ANKRD53: variants seen among roughly 807,000 people sequenced by gnomAD.
ANKRD53 encodes the protein ankyrin repeat domain-containing protein 53.
Under a neutral mutation model 30.1 loss-of-function variants are expected in ANKRD53, and 27 were observed. The observed-to-expected ratio is 0.90, with a 90% CI of 0.66 to 1.24. The LOEUF (loss-of-function observed/expected upper bound fraction) is 1.24. Among genes scored for constraint, ANKRD53 ranks in the 50% most tolerant of loss-of-function variants. ANKRD53 has a pLI of 0.00. For synonymous variants in ANKRD53, 286 were observed against 295.4 expected, an observed-to-expected ratio of 0.97 and a Z score of 0.33; for missense variants, 682 against 721.0, an observed-to-expected ratio of 0.95 and a Z score of 0.62.
chr2:70,984,226 G>A, intron 5 of ANKRD53: 1 of 1,614,144 alleles, frequency 6.2e-7, no homozygotes, highest in Non-Finnish European at 8.5e-7. Flanking sequence ...GGATTCCTTT[G>A]GAGAAGAAGG....
chr2:70,984,519 T>C (rs1553424274), intron 5 of ANKRD53, 92 bp from the exon 6 acceptor site: 3 of 1,545,474 alleles, frequency 1.9e-6, no homozygotes, highest in Non-Finnish European at 2.6e-6. Context: ...CTTCAGACTG[T>C]GGTTTCCGAA....
rs1053858037 is a variant in ANKRD53 at position 70,982,716 on chromosome 2, G to A, written c.903+19G>A. ...GTATCAAGTAAGGGGGACAGCAGGG[G>A]GGCCAGGGGACAGCTGCTATCCAGG... On this transcript the variant is annotated intron_variant, in intron 5 of 5. Transcript: ENST00000360589. This position sits in a 1 kb window ranked among gnomAD's most constrained non-coding sequence, Gnocchi z 4.2. 1 of 1,612,336 alleles carries A rather than the reference G, an allele frequency of 6.2e-7. No homozygotes were observed. The highest frequency in any genetic ancestry group is 8.5e-7 in the Non-Finnish European group (1 of 1,179,076).
Position 70,978,665 on chromosome 2 carries a change from C to A in ANKRD53, c.20C>A (p.Thr7Asn). The A allele has an allele frequency of 6.5e-7, 1 of 1,542,520 alleles. No individual in the cohort carries two copies. The highest frequency in any genetic ancestry group is 8.7e-7 in the Non-Finnish European group (1 of 1,144,624). The change falls in exon 1 of 6, where the codon ACC (threonine) becomes AAC (asparagine). Residue 7 changes from threonine (T) to asparagine (N), a missense_variant. Thr to Asn is a moderately conservative substitution (Grantham distance 65). Transcript: ENST00000360589. The surrounding 1 kb of genome is among the most constrained non-coding windows in gnomAD (Gnocchi z 4.3). MASAGS[T>N]ARRAGSGSWH... The stretch of plus-strand genomic sequence containing the variant: ...CCCGCGATGGCCTCCGCGGGCAGCA[C>A]CGCTCGGCGGGCGGGCTCCGGAAGC...
At chr2:70,978,553 C>G (rs995512222), upstream of ANKRD53, 5 of 1,363,178 alleles carry the variant, frequency 3.7e-6, no homozygotes, top group Non-Finnish European at 4.7e-6. The surrounding 1 kb of genome is among the most constrained non-coding windows in gnomAD (Gnocchi z 4.3). Context: ...GCCGGGAAAC[C>G]GCGGCCAGCT....
chr2:70,984,212 CTG>C, intron 5 of ANKRD53: 1 of 1,614,204 alleles, frequency 6.2e-7, no homozygotes, highest in Non-Finnish European at 8.5e-7. Context: ...TACTATCAGA[CTG>C]TGGATTCCTT....
intron 3 of ANKRD53, among the ~76,000 whole-genome samples, chr2:70,980,503 C>A (rs542182120): frequency 6.8e-6 from 1 of 148,002 alleles, no homozygotes; most frequent in African/African-American, 2.5e-5. Flanking sequence ...AACACCTGGC[C>A]GGGTGGCATG....
At chr2:70,984,497 G>C (rs1427191000) in intron 5 of ANKRD53, 114 bp from the exon 6 acceptor site, 5 of 1,533,220 alleles carry the variant, frequency 3.3e-6, no homozygotes, top group Non-Finnish European at 4.4e-6. Context: ...CAGACTCAGA[G>C]TTTCCCTCAT....
In ANKRD53 at chr2:70,985,451, A is replaced by C; in HGVS notation, c.*151A>C. ...TCACCCTTCCCAATCAAAAGCCCAG[A>C]CCCCAGGCCTCCCTTTTCTCTGCAA... On this transcript the variant is annotated 3_prime_UTR_variant, in exon 6 of 6. Coordinates refer to ENST00000360589, the MANE Select transcript of ANKRD53 (RefSeq NM_001115116.2). 1 of 676,878 alleles carries C rather than the reference A, an allele frequency of 1.5e-6. No homozygotes were observed. 41.9% of individuals were successfully genotyped at this position (676,878 alleles called of 1,614,324 possible).
chr2:70,979,220 G>A lies in ANKRD53; in HGVS notation c.294G>A (p.Gln98=), dbSNP rs782533666. 21 of 1,613,298 alleles carry A rather than the reference G, an allele frequency of 1.3e-5. No individual in the cohort carries two copies. The highest frequency in any genetic ancestry group is 1.7e-5 in the Non-Finnish European group (20 of 1,180,020). ...ADPSPSKESD[Q]TAIDQTAIGS... is the part of the protein sequence containing the mutation. ...CCAGCCCCAGCAAGGAGTCCGACCA[G>A]ACGGCAATCGACCAGACGGCGATCG... The change falls in exon 2 of 6, where the codon CAG becomes CAA. Residue 98 remains glutamine, a synonymous_variant. Coordinates refer to ENST00000360589, the MANE Select transcript of ANKRD53 (RefSeq NM_001115116.2).
At chr2:70,979,632 C>G in intron 2 of ANKRD53, 29 bp from the exon 3 acceptor site, 1 of 1,602,388 alleles carries the variant, frequency 6.2e-7, no homozygotes. Flanking sequence ...TCCCACTCAG[C>G]CTCCTCCTGC....
Position 70,984,952 on chromosome 2 carries a change from T to C in ANKRD53, c.1245T>C (p.Thr415=), listed in dbSNP as rs1553424486. ...GIRLGVHPDP[T]PEHDFSSFLE... is the part of the protein sequence containing the mutation. ...GCCTGGGCGTGCATCCAGACCCCACTCCGGAGCACGACTTCAGCAGCTTCC... is the reference window on the plus strand; with the variant it reads ...GCCTGGGCGTGCATCCAGACCCCACCCCGGAGCACGACTTCAGCAGCTTCC... The change falls in exon 6 of 6, where the codon ACT becomes ACC. Residue 415 remains threonine, a synonymous_variant. Transcript: ENST00000360589. 6.5e-7 allele frequency: 1 copy of C among 1,550,172 alleles called. No homozygotes were observed. Among genetic ancestry groups the C allele is most frequent in the Non-Finnish European group, 8.7e-7 (1 of 1,146,724 alleles).
At chr2:70,981,833 TG>T (rs1553423644) in intron 3 of ANKRD53, 102 bp from the exon 4 acceptor site, 1 of 1,289,092 alleles carries the variant, frequency 7.8e-7, no homozygotes, top group African/African-American at 1.5e-5. Context: ...AGTGGACTGA[TG>T]GTAGAGCAGG....
Position 70,984,989 on chromosome 2 carries a change from C to A in ANKRD53, c.1282C>A (p.Pro428Thr). 6.5e-7 allele frequency: 1 copy of A among 1,549,678 alleles called. No homozygotes were observed. The highest frequency in any genetic ancestry group is 8.7e-7 in the Non-Finnish European group (1 of 1,146,570). ...CTTCAGCAGCTTCCTGGAGGTGAGG[C>A]CTGATGGGCACGGCGGTGCGCGGCT... is the stretch of plus-strand genomic sequence containing the variant. ...HDFSSFLEVRPDGHGGARLHT... is the reference protein window; with the variant it reads ...HDFSSFLEVRTDGHGGARLHT... Residue 428 changes from proline (P) to threonine (T), a missense_variant, in exon 6 of 6, where the codon CCT becomes ACT. Pro to Thr is a conservative substitution (Grantham distance 38). Coordinates refer to ENST00000360589, the MANE Select transcript of ANKRD53 (RefSeq NM_001115116.2).
Position 70,982,631 on chromosome 2 carries a change from G to A in ANKRD53, c.837G>A (p.Met279Ile), listed in dbSNP as rs1670045408. ...KKDKKDFARE[M>I]TKMKMFKSQL... is the part of the protein sequence containing the mutation. ...ACAAGAAGGACTTTGCCCGTGAGATGACGAAAATGAAGATGTTCAAGAGCC... is the reference window on the plus strand; with the variant it reads ...ACAAGAAGGACTTTGCCCGTGAGATAACGAAAATGAAGATGTTCAAGAGCC... The change falls in exon 5 of 6, where the codon ATG (methionine) becomes ATA (isoleucine). Residue 279 changes from methionine (M) to isoleucine (I), a missense_variant. By Grantham distance (10) the Met-to-Ile change is conservative. Coordinates refer to ENST00000360589, the MANE Select transcript of ANKRD53 (RefSeq NM_001115116.2). This position sits in a 1 kb window ranked among gnomAD's most constrained non-coding sequence, Gnocchi z 4.2. The A allele has an allele frequency of 5.6e-6, 9 of 1,614,134 alleles. No individual in the cohort carries two copies. The highest frequency in any genetic ancestry group is 6.8e-6 in the Non-Finnish European group (8 of 1,180,018).
rs1460858599 is a variant in ANKRD53, at chr2:70,985,380, A to C, written c.*80A>C. 1 of 1,357,770 alleles carries C rather than the reference A, an allele frequency of 7.4e-7. No individual in the cohort carries two copies. Among genetic ancestry groups the C allele is most frequent in the Non-Finnish European group, 1.0e-6 (1 of 995,614 alleles). 84.1% of individuals were successfully genotyped at this position (1,357,770 alleles called of 1,614,324 possible). ...CAATTCACGTTGTGGGTGGCGAGGAAAGGGGGAGGGGTGCCTATGGGCTTC... is the reference window on the plus strand; with the variant it reads ...CAATTCACGTTGTGGGTGGCGAGGACAGGGGGAGGGGTGCCTATGGGCTTC... On this transcript the variant is annotated 3_prime_UTR_variant, in exon 6 of 6. Coordinates refer to ENST00000360589, the MANE Select transcript of ANKRD53 (RefSeq NM_001115116.2).
At chr2:70,981,910 A>G in intron 3 of ANKRD53, 26 bp from the exon 4 acceptor site, 2 of 1,531,330 alleles carry the variant, frequency 1.3e-6, no homozygotes, top group Non-Finnish European at 1.8e-6. Flanking sequence ...TTCTGCCCTT[A>G]TCCCCACTGG....
intron 5 of ANKRD53, chr2:70,984,125 T>C (rs1553424141): frequency 1.2e-6 from 2 of 1,613,046 alleles, no homozygotes; most frequent in East Asian, 4.5e-5. Flanking sequence ...CTTTCCAGGG[T>C]CAAGGATGCA....
chr2:70,982,659 C>G lies in ANKRD53; in HGVS notation c.865C>G (p.Leu289Val). The change falls in exon 5 of 6, where the codon CTG (leucine) becomes GTG (valine). Residue 289 changes from leucine (L) to valine (V), a missense_variant. By Grantham distance (32) the Leu-to-Val change is conservative (BLOSUM62 1). Coordinates refer to ENST00000360589, the MANE Select transcript of ANKRD53 (RefSeq NM_001115116.2). This position sits in a 1 kb window ranked among gnomAD's most constrained non-coding sequence, Gnocchi z 4.2. ...MTKMKMFKSQ[L>V]TLMEHNYLIE... ...GAAAATGAAGATGTTCAAGAGCCAG[C>G]TGACCCTCATGGAGCACAACTACCT... The G allele has an allele frequency of 6.2e-7, 1 of 1,614,140 alleles. No individual in the cohort carries two copies. The highest frequency in any genetic ancestry group is 1.1e-5 in the South Asian group (1 of 91,090).
chr2:70,982,196 G>T lies in ANKRD53; in HGVS notation c.782+96G>T. The T allele has an allele frequency of 7.1e-7, 1 of 1,406,148 alleles. No homozygotes were observed. The highest frequency in any genetic ancestry group is 2.5e-5 in the East Asian group (1 of 40,468). The allele number at this position is 1,406,148 out of a possible 1,614,324, so 87.1% of individuals were successfully genotyped here. A position where few individuals can be genotyped will look rare whatever the true frequency, so the allele number is the denominator to read the frequency against. On this transcript the variant is annotated intron_variant, in intron 4 of 5. Coordinates refer to ENST00000360589, the MANE Select transcript of ANKRD53 (RefSeq NM_001115116.2). The surrounding 1 kb of genome is among the most constrained non-coding windows in gnomAD (Gnocchi z 4.2). The stretch of plus-strand genomic sequence containing the variant: ...CACCACAGCTGAGCCTTTAAGGGGA[G>T]GGTTGGGAAGCCAGACAGCTGGAGG...
Sources: allele counts gnomAD v4.1 joint callset (sites outside exome capture counted in the v4.1 genomes callset), GRCh38; gene constraint gnomAD v4.1.1; non-coding constraint Gnocchi (gnomAD v3.1); transcripts MANE v1.5; gene names NCBI Gene and HGNC (gene_info 2026-07-23, HGNC 2026-07-21).